The following SEPTIN9 variants were observed in gnomAD, a reference collection of about 807,000 sequenced individuals.
SEPTIN9 encodes the protein septin 9.
A neutral mutation model predicts 56.6 loss-of-function variants in SEPTIN9; 13 were observed. That is an observed-to-expected ratio of 0.23 (90% CI 0.15 to 0.37). The LOEUF is 0.37. Among genes scored for constraint, SEPTIN9 ranks in the 10% least tolerant of loss-of-function variants. SEPTIN9 has a pLI of 1.00. For synonymous variants in SEPTIN9, 332 were observed against 334.1 expected, an observed-to-expected ratio of 0.99 and a Z score of 0.07; for missense variants, 650 against 823.1, an observed-to-expected ratio of 0.79 and a Z score of 2.57.
intron 10 of SEPTIN9, chr17:77,493,353 G>C: frequency 2.1e-6 from 1 of 480,682 alleles, no homozygotes; most frequent in South Asian, 2.2e-5. Context: ...CTGGATCCTG[G>C]TGCAGGCTCT....
chr17:77,284,264 C>T (rs1320794504), intron 1 of SEPTIN9, among the ~76,000 whole-genome samples: 2 of 152,150 alleles, frequency 1.3e-5, no homozygotes, highest in Non-Finnish European at 2.9e-5. Context: ...GAAATAGACA[C>T]GGCACTCCAG....
At position 77,425,559 on chromosome 17, in the gene SEPTIN9, C is replaced by T. The variant is rs968756320; in HGVS notation, c.721+22856C>T. ...GCTGAGCTGGCGGGCCTCGCACACC[C>T]CCAAGGCCGCCTGACTTCCAGCCTC... On this transcript the variant is annotated intron_variant, in intron 3 of 11. Coordinates refer to ENST00000427177, the MANE Select transcript of SEPTIN9 (RefSeq NM_001113491.2). This position sits in a 1 kb window ranked among gnomAD's most constrained non-coding sequence, Gnocchi z 4.2. Among the ~76,000 whole-genome samples, 1 of 152,174 alleles carries T rather than the reference C, an allele frequency of 6.6e-6. No homozygotes were observed.
chr17:77,408,132 G>C (rs1452280237), intron 3 of SEPTIN9, among the ~76,000 whole-genome samples: 1 of 152,202 alleles, frequency 6.6e-6, no homozygotes, highest in African/African-American at 2.4e-5. Context: ...CCAGTGCCCA[G>C]CTCAGTTCTG....
In SEPTIN9 at chr17:77,318,235, G is replaced by A. The variant is rs2032777734; in HGVS notation, c.76+11038G>A. Among the ~76,000 whole-genome samples the A allele has an allele frequency of 6.6e-6, 1 of 151,696 alleles. No homozygotes were observed. The highest frequency in any genetic ancestry group is 1.5e-5 in the Non-Finnish European group (1 of 67,940). Reference sequence around the variant, plus strand: ...CCTCTGGTGGCTGTGGGTGTCCCTTGGCTTGTGGCTGCATGGCCCTTACCT... The same window carrying A: ...CCTCTGGTGGCTGTGGGTGTCCCTTAGCTTGTGGCTGCATGGCCCTTACCT... On this transcript the variant is annotated intron_variant, in intron 2 of 11. Coordinates refer to ENST00000427177, the MANE Select transcript of SEPTIN9 (RefSeq NM_001113491.2). The surrounding 1 kb of genome is among the most constrained non-coding windows in gnomAD (Gnocchi z 4.9).
rs374429209 is a variant in SEPTIN9 at position 77,455,687 on chromosome 17, G to C, written c.722-26457G>C. Reference sequence around the variant, plus strand: ...GGTTGATGGTGCCGTCTCTCTCTCTGTCACTAGAACGGACATGAGGATTGT... The same window carrying C: ...GGTTGATGGTGCCGTCTCTCTCTCTCTCACTAGAACGGACATGAGGATTGT... On this transcript the variant is annotated intron_variant, in intron 3 of 11. Transcript: ENST00000427177. 2.3e-3 allele frequency among the ~76,000 whole-genome samples: 346 copies of C among 152,332 alleles called. 10 individuals are homozygous for C. The South Asian group carries it at 0.055, about 24-fold the overall frequency.
At chr17:77,372,560 G>C (rs529694035) in intron 2 of SEPTIN9, among the ~76,000 whole-genome samples, 1 of 152,322 alleles carries the variant, frequency 6.6e-6, no homozygotes, top group African/African-American at 2.4e-5. Context: ...CTCCTGACAA[G>C]GTCTACTTCC....
In SEPTIN9 at chr17:77,475,051, C is replaced by G. The variant is rs2039151679; in HGVS notation, c.722-7093C>G. ...CTGGCACAGAGAGCCCCCAGTAAAC[C>G]TCGGCTGCTGTGATGAGCTTTGTTT... is the stretch of plus-strand genomic sequence containing the variant. On this transcript the variant is annotated intron_variant, in intron 3 of 11. Coordinates refer to ENST00000427177, the MANE Select transcript of SEPTIN9 (RefSeq NM_001113491.2). This position sits in a 1 kb window ranked among gnomAD's most constrained non-coding sequence, Gnocchi z 4.6. Among the ~76,000 whole-genome samples, 1 of 152,074 alleles carries G rather than the reference C, an allele frequency of 6.6e-6. No individual in the cohort carries two copies. The highest frequency in any genetic ancestry group is 6.6e-5 in the Admixed American group (1 of 15,264).
At chr17:77,393,505 A>G (rs1324255614) in intron 2 of SEPTIN9, among the ~76,000 whole-genome samples, 1 of 152,122 alleles carries the variant, frequency 6.6e-6, no homozygotes, top group Admixed American at 6.5e-5. Context: ...CCACAGACAC[A>G]CACCCAGGAG....
intron 2 of SEPTIN9, among the ~76,000 whole-genome samples, chr17:77,336,642 T>A (rs1010809387): frequency 2.6e-5 from 4 of 152,204 alleles, no homozygotes; most frequent in Non-Finnish European, 5.9e-5. Flanking sequence ...ATTACTCTGG[T>A]AATGGTTTTG....
chr17:77,469,983 CCACCCATCTATCTATG>C (rs2038912609), intron 3 of SEPTIN9, among the ~76,000 whole-genome samples: 1 of 151,144 alleles, frequency 6.6e-6, no homozygotes, highest in African/African-American at 2.4e-5. Context: ...ATCCACCCAT[CCACCCATCTATCTATG>C]CACTCATCCA....
Position 77,433,812 on chromosome 17 carries a change from C to T in SEPTIN9, c.721+31109C>T, listed in dbSNP as rs1046700554. ...TCCTGGGTATCCCCTGCGCCCCCCG[C>T]CCCAGGCACTTGATGTTGCCTGTTC... On this transcript the variant is annotated intron_variant, in intron 3 of 11. Coordinates refer to ENST00000427177, the MANE Select transcript of SEPTIN9 (RefSeq NM_001113491.2). The surrounding 1 kb of genome is among the most constrained non-coding windows in gnomAD (Gnocchi z 6.4). 6.6e-6 allele frequency among the ~76,000 whole-genome samples: 1 copy of T among 152,164 alleles called. No homozygotes were observed. Among genetic ancestry groups the T allele is most frequent in the Non-Finnish European group, 1.5e-5 (1 of 68,032 alleles).
chr17:77,332,625 C>T (rs2033407020), intron 2 of SEPTIN9, among the ~76,000 whole-genome samples: 1 of 152,218 alleles, frequency 6.6e-6, no homozygotes, highest in Non-Finnish European at 1.5e-5. Flanking sequence ...TGTATCCCAG[C>T]CTGACCAGAA....
At position 77,488,788 on chromosome 17, in the gene SEPTIN9, A is replaced by G. The variant is rs939608289; in HGVS notation, c.1186A>G (p.Asn396Asp). Residue 396 changes from asparagine (N) to aspartate (D), a missense_variant, in exon 7 of 12, where the codon AAC becomes GAC. Coordinates refer to ENST00000427177, the MANE Select transcript of SEPTIN9 (RefSeq NM_001113491.2). The stretch of plus-strand genomic sequence containing the variant: ...CGAGAAATACCTGCAGGAGGAGGTC[A>G]ACATCAACCGCAAGAAGCGCATCCC... ...QYEKYLQEEVNINRKKRIPDT... is the reference protein window; with the variant it reads ...QYEKYLQEEVDINRKKRIPDT... The G allele has an allele frequency of 2.5e-6, 4 of 1,613,830 alleles. No homozygotes were observed. The highest frequency in any genetic ancestry group is 1.7e-5 in the Admixed American group (1 of 59,996).
rs375739819 is a variant in SEPTIN9, at chr17:77,495,582, G to A, written c.1574-1733G>A. ...TTATTATCCACATTTTATGGATGAG[G>A]AAACTGAGGGAATGAGAGTAACTTG... On this transcript the variant is annotated intron_variant, in intron 10 of 11. Coordinates refer to ENST00000427177, the MANE Select transcript of SEPTIN9 (RefSeq NM_001113491.2). Among the ~76,000 whole-genome samples the A allele has an allele frequency of 1.5e-4, 23 of 152,336 alleles. 3 individuals are homozygous for A. The highest frequency in any genetic ancestry group is 5.0e-4 in the African/African-American group (21 of 41,588).
chr17:77,405,866 G>A lies in SEPTIN9; in HGVS notation c.721+3163G>A, dbSNP rs544096884. 6.6e-6 allele frequency among the ~76,000 whole-genome samples: 1 copy of A among 152,304 alleles called. No homozygotes were observed. Among genetic ancestry groups the A allele is most frequent in the East Asian group, 1.9e-4 (1 of 5,182 alleles). Reference sequence around the variant, plus strand: ...CCTTCTGCCCCTCCATGTGGGGCTGGGCTGGGAGTTCCCTGAGCCCCGACA... The same window carrying A: ...CCTTCTGCCCCTCCATGTGGGGCTGAGCTGGGAGTTCCCTGAGCCCCGACA... On this transcript the variant is annotated intron_variant, in intron 3 of 11. Transcript: ENST00000427177. This position sits in a 1 kb window ranked among gnomAD's most constrained non-coding sequence, Gnocchi z 5.8.
chr17:77,324,067 A>G (rs1295330479), intron 2 of SEPTIN9, among the ~76,000 whole-genome samples: 1 of 151,982 alleles, frequency 6.6e-6, no homozygotes, highest in African/African-American at 2.4e-5. Flanking sequence ...GGCTCCCGAA[A>G]CCCTTGGCGT....
intron 3 of SEPTIN9, among the ~76,000 whole-genome samples, chr17:77,465,460 A>C (rs960073246): frequency 1.1e-4 from 17 of 152,146 alleles, no homozygotes; most frequent in South Asian, 2.1e-4. Context: ...AGGTGCTGCG[A>C]GTCCGTGTCG....
chr17:77,485,645 A>G (rs193114232), intron 4 of SEPTIN9, among the ~76,000 whole-genome samples: 1 of 152,088 alleles, frequency 6.6e-6, no homozygotes, highest in Non-Finnish European at 1.5e-5. Context: ...TGGAACATTG[A>G]CATAACTCCT....
chr17:77,499,863 T>G lies in SEPTIN9; in HGVS notation c.*1205T>G. The G allele has an allele frequency of 3.4e-6, 1 of 295,142 alleles. No homozygotes were observed. Among genetic ancestry groups the G allele is most frequent in the South Asian group, 6.5e-5 (1 of 15,322 alleles). The allele number at this position is 295,142 out of a possible 1,614,324, so 18.3% of individuals were successfully genotyped here. The stretch of plus-strand genomic sequence containing the variant: ...CCTGGGCCCCTCCCCTCAGAGCCCA[T>G]GGTAACGAACCCCTAGAAAGGAGAG... On this transcript the variant is annotated 3_prime_UTR_variant, in exon 12 of 12. Transcript: ENST00000427177.
Sources: gnomAD v4.1 joint callset for allele counts (sites outside exome capture counted in the v4.1 genomes callset) on GRCh38, gnomAD v4.1.1 for gene constraint, Gnocchi (gnomAD v3.1) non-coding constraint, MANE v1.5 for transcripts, NCBI Gene and HGNC (gene_info 2026-07-23, HGNC 2026-07-21) for gene names.